The following SEMA4D variants were observed in gnomAD, a reference collection of about 807,000 sequenced individuals.
SEMA4D encodes semaphorin-4D.
A neutral mutation model predicts 74.8 loss-of-function variants in SEMA4D; 22 were observed. The observed-to-expected ratio is 0.29, with a 90% CI of 0.21 to 0.42. The LOEUF (loss-of-function observed/expected upper bound fraction) is 0.42, where lower values mean the gene tolerates loss of function less well. SEMA4D is among the 10% of genes least tolerant of loss of function. The pLI is 1.00. For synonymous variants in SEMA4D, 445 were observed against 463.7 expected, an observed-to-expected ratio of 0.96 and a Z score of 0.52; for missense variants, 937 against 1,118.4, an observed-to-expected ratio of 0.84 and a Z score of 2.31.
intron 16 of SEMA4D, chr9:89,369,656 T>G (rs7856532): frequency 0.32 from 48,055 of 152,178 alleles, 8,067 homozygotes; most frequent in South Asian, 0.45. Flanking sequence ...ACACGGGTGG[T>G]GGGGTTATTT....
At chr9:89,458,273 G>A (rs929950769) in intron 1 of SEMA4D, among the ~76,000 whole-genome samples, 5 of 152,142 alleles carry the variant, frequency 3.3e-5, no homozygotes, top group Admixed American at 3.3e-4. Context: ...GGGATCCGAA[G>A]GCAACTTGGT....
Position 89,393,639 on chromosome 9 carries a change from T to A in SEMA4D, c.431A>T (p.Lys144Met), listed in dbSNP as rs1028999144. Residue 144 changes from lysine (K) to methionine (M), a missense_variant, in exon 7 of 16, where the codon AAG becomes ATG. Lys to Met is a moderately conservative substitution (Grantham distance 95). Coordinates refer to ENST00000422704, the MANE Select transcript of SEMA4D (RefSeq NM_001371194.2). ...ACDHLNLTSFKFLGKNEDGKG... is the reference protein window; with the variant it reads ...ACDHLNLTSFMFLGKNEDGKG... ...GCCATCTTCATTTTTCCCCAGAAAC[T>A]TAAAGGATGTTAAGTTCTACAATTG... The A allele has an allele frequency of 1.1e-5, 17 of 1,613,482 alleles. No homozygotes were observed. In the African/African-American group the frequency reaches 2.0e-4, roughly 19 times the overall value.
In SEMA4D at chr9:89,393,675, G is replaced by C. The variant is rs1238362679; in HGVS notation, c.415-20C>G. The stretch of plus-strand genomic sequence containing the variant: ...TAAGTTCTACAATTGAATAAAAAGA[G>C]AGCACATCATCAGATGGCTGAATTT... On this transcript the variant is annotated intron_variant, in intron 6 of 15. Coordinates refer to ENST00000422704, the MANE Select transcript of SEMA4D (RefSeq NM_001371194.2). The C allele has an allele frequency of 1.3e-6, 2 of 1,560,874 alleles. No individual in the cohort carries two copies. Among genetic ancestry groups the C allele is most frequent in the South Asian group, 2.2e-5 (2 of 89,952 alleles).
intron 2 of SEMA4D, among the ~76,000 whole-genome samples, chr9:89,421,688 A>C (rs1202775173): frequency 6.6e-6 from 1 of 152,220 alleles, no homozygotes; most frequent in Non-Finnish European, 1.5e-5. Flanking sequence ...TGTTAAAAAG[A>C]ATAAAGCTGC....
chr9:89,406,181 TGCACACACAC>T (rs1192036418), intron 2 of SEMA4D, among the ~76,000 whole-genome samples: 6 of 152,150 alleles, frequency 3.9e-5, no homozygotes, highest in Non-Finnish European at 7.4e-5. Context: ...TGCACACACA[TGCACACACAC>T]AACATATGCG....
chr9:89,461,711 T>C (rs1588068886), intron 1 of SEMA4D, among the ~76,000 whole-genome samples: 1 of 132,860 alleles, frequency 7.5e-6, no homozygotes, highest in Admixed American at 7.4e-5. Context: ...TTTTTTTTTT[T>C]TTTTTTTTGG....
At chr9:89,459,953 A>G (rs1250212396) in intron 1 of SEMA4D, among the ~76,000 whole-genome samples, 2 of 152,190 alleles carry the variant, frequency 1.3e-5, no homozygotes, top group African/African-American at 4.8e-5. Flanking sequence ...GAGGTAAGAA[A>G]TCCCCTGCCC....
At chr9:89,362,783 T>C (rs902706806) in intron 18 of SEMA4D, among the ~76,000 whole-genome samples, 3 of 152,198 alleles carry the variant, frequency 2.0e-5, no homozygotes, top group Admixed American at 6.5e-5. Context: ...CCACACACTT[T>C]AATGCACTCA....
intron 1 of SEMA4D, among the ~76,000 whole-genome samples, chr9:89,466,902 A>G (rs1445752444): frequency 3.3e-5 from 5 of 152,106 alleles, no homozygotes; most frequent in Non-Finnish European, 5.9e-5. Context: ...GTTACTCTAT[A>G]ACTAGAAGTT....
Position 89,381,572 on chromosome 9 carries a change from C to T in SEMA4D, c.1447-226G>A, listed in dbSNP as rs1837069094. On this transcript the variant is annotated intron_variant, in intron 13 of 15. Coordinates refer to ENST00000422704, the MANE Select transcript of SEMA4D (RefSeq NM_001371194.2). The surrounding 1 kb of genome is among the most constrained non-coding windows in gnomAD (Gnocchi z 4.6). ...CTCACTGGGCCTTAGGTCCAAATCC[C>T]TCTCTCCCCTGTCTGGGCACCCACA... 2 of 426,584 alleles carry T rather than the reference C, an allele frequency of 4.7e-6. No individual in the cohort carries two copies. Among genetic ancestry groups the T allele is most frequent in the African/African-American group, 2.0e-5 (1 of 50,152 alleles). The allele number at this position is 426,584 out of a possible 1,614,324, so 26.4% of individuals were successfully genotyped here. A position where few individuals can be genotyped will look rare whatever the true frequency, so the allele number is the denominator to read the frequency against.
chr9:89,364,303 G>A (rs1158034077), intron 16 of SEMA4D: 2 of 375,584 alleles, frequency 5.3e-6, no homozygotes, highest in Non-Finnish European at 1.0e-5. Flanking sequence ...TGGCCCTGCT[G>A]CCACACACAT....
At chr9:89,495,144 C>A (rs762539873) in intron 1 of SEMA4D, among the ~76,000 whole-genome samples, 1 of 152,128 alleles carries the variant, frequency 6.6e-6, no homozygotes, top group Admixed American at 6.5e-5. Flanking sequence ...GCCTGCCCCC[C>A]ACTGAGGTTT....
chr9:89,436,632 G>C (rs974594176), intron 2 of SEMA4D: 1 of 152,476 alleles, frequency 6.6e-6, no homozygotes, highest in Non-Finnish European at 1.5e-5. Context: ...GCTGTTCAGC[G>C]ATGTGGGCCT....
chr9:89,372,393 G>A (rs1381101838), downstream of SEMA4D, among the ~76,000 whole-genome samples: 9 of 133,110 alleles, frequency 6.8e-5, no homozygotes, highest in South Asian at 5.1e-4. Context: ...GTGGTGTGTC[G>A]GGGGTGTGTG....
At position 89,399,313 on chromosome 9, in the gene SEMA4D, T is replaced by C. The variant is rs1564625106; in HGVS notation, c.278A>G (p.Lys93Arg). ...CCCCTTTTCTGCACATTTTGCTTTT[T>C]TGTCTTCTGAGACCTTCCAATACAC... is the stretch of plus-strand genomic sequence containing the variant. ...HEVYWKVSED[K>R]KAKCAEKGKS... Residue 93 changes from lysine (K) to arginine (R), a missense_variant, in exon 5 of 16, where the codon AAA becomes AGA. By Grantham distance (26) the Lys-to-Arg change is conservative. Transcript: ENST00000422704. The C allele has an allele frequency of 1.9e-6, 3 of 1,613,892 alleles. No homozygotes were observed. Among genetic ancestry groups the C allele is most frequent in the Admixed American group, 1.7e-5 (1 of 60,038 alleles).
intron 1 of SEMA4D, among the ~76,000 whole-genome samples, chr9:89,480,901 C>A (rs1204327607): frequency 2.0e-5 from 3 of 152,258 alleles, no homozygotes; most frequent in Non-Finnish European, 4.4e-5. Context: ...TCCTCAAATG[C>A]CGCCAAAGTG....
intron 16 of SEMA4D, among the ~76,000 whole-genome samples, chr9:89,365,904 G>A (rs1405773843): frequency 6.6e-6 from 1 of 152,220 alleles, no homozygotes; most frequent in African/African-American, 2.4e-5. Flanking sequence ...TTTACTGACT[G>A]TGGCATCTGC....
intron 2 of SEMA4D, among the ~76,000 whole-genome samples, chr9:89,425,700 C>A (rs570729878): frequency 2.6e-5 from 4 of 152,346 alleles, no homozygotes; most frequent in East Asian, 3.9e-4. Context: ...ACCCCCTCCC[C>A]CAGTGTGCCC....
intron 16 of SEMA4D, among the ~76,000 whole-genome samples, chr9:89,369,865 AAT>A (rs1491173600): frequency 5.8e-5 from 8 of 138,664 alleles, no homozygotes; most frequent in Non-Finnish European, 1.1e-4. Flanking sequence ...CTAAGTCAAC[AAT>A]GTGTGTGTGT....
Sources: allele counts gnomAD v4.1 joint callset (sites outside exome capture counted in the v4.1 genomes callset), GRCh38; gene constraint gnomAD v4.1.1; non-coding constraint Gnocchi (gnomAD v3.1); transcripts MANE v1.5; gene names NCBI Gene and HGNC (gene_info 2026-07-23, HGNC 2026-07-21).